KHDRBS2: variants seen among roughly 807,000 people sequenced by gnomAD.
KHDRBS2 encodes KH domain-containing, RNA-binding, signal transduction-associated protein 2.
Under a neutral mutation model 44.3 loss-of-function variants are expected in KHDRBS2, and 26 were observed. The ratio of observed to expected loss-of-function variants is 0.59; its 90% CI spans 0.43 to 0.81. The LOEUF is 0.81. Among genes scored for constraint, KHDRBS2 ranks in the 40% least tolerant of loss-of-function variants. The pLI is 0.00. For synonymous variants in KHDRBS2, 194 were observed against 151.1 expected, an observed-to-expected ratio of 1.28 and a Z score of -2.08; for missense variants, 476 against 433.1, an observed-to-expected ratio of 1.10 and a Z score of -0.88.
chr6:62,110,966 T>C (rs1269460907), intron 2 of KHDRBS2, among the ~76,000 whole-genome samples: 2 of 152,090 alleles, frequency 1.3e-5, no homozygotes, highest in Non-Finnish European at 2.9e-5. Context: ...TAGAATTTGT[T>C]TTTAAGTATA....
intron 2 of KHDRBS2, among the ~76,000 whole-genome samples, chr6:62,147,818 T>C (rs1030680992): frequency 2.0e-5 from 3 of 151,984 alleles, no homozygotes; most frequent in South Asian, 2.1e-4. Context: ...CTCTTCTCTA[T>C]ACCTGGCACG....
chr6:61,870,589 C>T (rs1457992435), intron 6 of KHDRBS2, among the ~76,000 whole-genome samples: 1 of 152,104 alleles, frequency 6.6e-6, no homozygotes, highest in Non-Finnish European at 1.5e-5. Context: ...GGAGACACCT[C>T]CCAGGAGAGG....
At chr6:61,772,778 T>C (rs1781175619) in intron 6 of KHDRBS2, among the ~76,000 whole-genome samples, 1 of 152,148 alleles carries the variant, frequency 6.6e-6, no homozygotes, top group Non-Finnish European at 1.5e-5. Context: ...CTCCTAAAGC[T>C]ATCCCTACCC....
At chr6:61,584,377 A>G in the KHDRBS2 span, among the ~76,000 whole-genome samples, 1 of 151,786 alleles carries the variant, frequency 6.6e-6, no homozygotes, top group African/African-American at 2.4e-5. Context: ...TAGCTTGAGG[A>G]AGTTTTATTT....
chr6:62,099,712 C>T (rs1425105540), intron 2 of KHDRBS2, among the ~76,000 whole-genome samples: 2 of 152,158 alleles, frequency 1.3e-5, no homozygotes, highest in African/African-American at 4.8e-5. Context: ...GCTTCACAGT[C>T]ACAGAGACCA....
chr6:61,677,962 G>T (rs550467850), downstream of KHDRBS2, among the ~76,000 whole-genome samples: 10 of 151,760 alleles, frequency 6.6e-5, no homozygotes, highest in Admixed American at 2.6e-4. Flanking sequence ...GAATCTCCAG[G>T]CTCTCTCATA....
intron 6 of KHDRBS2, among the ~76,000 whole-genome samples, chr6:61,736,973 T>C (rs1252332034): frequency 1.3e-5 from 2 of 152,122 alleles, no homozygotes; most frequent in Admixed American, 6.6e-5. Context: ...TGATGTATTG[T>C]AGTACTTAGC....
chr6:61,784,132 A>G (rs1337102102), intron 6 of KHDRBS2, among the ~76,000 whole-genome samples: 1 of 151,950 alleles, frequency 6.6e-6, no homozygotes, highest in African/African-American at 2.4e-5. Context: ...AGCCTGAATT[A>G]CTTTAATATT....
chr6:62,250,943 G>A (rs1836424272), intron 1 of KHDRBS2, among the ~76,000 whole-genome samples: 1 of 151,928 alleles, frequency 6.6e-6, no homozygotes. Flanking sequence ...TCCCAAGCTG[G>A]ATGCTGTACT....
chr6:62,104,198 T>C (rs960301686), intron 2 of KHDRBS2, among the ~76,000 whole-genome samples: 5 of 152,258 alleles, frequency 3.3e-5, no homozygotes, highest in Non-Finnish European at 5.9e-5. Flanking sequence ...TTGATATCTT[T>C]AGAACACTCT....
chr6:61,607,614 T>A, the KHDRBS2 span, among the ~76,000 whole-genome samples: 2 of 150,310 alleles, frequency 1.3e-5, no homozygotes, highest in East Asian at 2.0e-4. Flanking sequence ...GGATGATTTT[T>A]AAAAAAATTA....
chr6:61,616,605 G>C, the KHDRBS2 span, among the ~76,000 whole-genome samples: 1 of 151,672 alleles, frequency 6.6e-6, no homozygotes, highest in South Asian at 2.1e-4. Flanking sequence ...GTAGATTCTT[G>C]GCATCTGCAA....
At chr6:62,087,460 A>G (rs1033386791) in intron 2 of KHDRBS2, among the ~76,000 whole-genome samples, 4 of 152,090 alleles carry the variant, frequency 2.6e-5, no homozygotes, top group African/African-American at 9.7e-5. Context: ...TGAAAAATAA[A>G]AGATAGAAAT....
chr6:62,141,680 C>G (rs973675070), intron 2 of KHDRBS2, among the ~76,000 whole-genome samples: 3 of 152,050 alleles, frequency 2.0e-5, no homozygotes, highest in African/African-American at 7.2e-5. Context: ...CATGCAATCC[C>G]TCTATATAGT....
chr6:61,776,523 G>T (rs575204081), intron 6 of KHDRBS2, among the ~76,000 whole-genome samples: 3 of 152,058 alleles, frequency 2.0e-5, no homozygotes, highest in Non-Finnish European at 2.9e-5. Context: ...TGCAGCAAAA[G>T]AACACATGAA....
At chr6:62,023,897 C>T (rs1782803447) in intron 3 of KHDRBS2, among the ~76,000 whole-genome samples, 1 of 150,846 alleles carries the variant, frequency 6.6e-6, no homozygotes, top group South Asian at 2.1e-4. Flanking sequence ...GCTTTTTTCA[C>T]CTAATAATAC....
intron 6 of KHDRBS2, among the ~76,000 whole-genome samples, chr6:61,795,478 T>TA (rs58559963): frequency 0.072 from 10,630 of 147,258 alleles, 424 homozygotes; most frequent in Middle Eastern, 0.14. Flanking sequence ...TTGCACATCT[T>TA]AAAAAAAAAA....
chr6:61,994,160 T>C (rs962475435), intron 3 of KHDRBS2, among the ~76,000 whole-genome samples: 1 of 152,144 alleles, frequency 6.6e-6, no homozygotes, highest in African/African-American at 2.4e-5. Context: ...ACAATTTTCC[T>C]AATCTCAATG....
intron 6 of KHDRBS2, among the ~76,000 whole-genome samples, chr6:61,825,103 CAAG>C (rs1481327572): frequency 3.9e-5 from 6 of 151,910 alleles, no homozygotes. Context: ...TAGCTGAAAT[CAAG>C]GAGGAAATTA....
Sources: allele counts gnomAD v4.1 joint callset (sites outside exome capture counted in the v4.1 genomes callset), GRCh38; gene constraint gnomAD v4.1.1; transcripts MANE v1.5; gene names NCBI Gene and HGNC (gene_info 2026-07-23, HGNC 2026-07-21).